DRC11: variants seen among roughly 807,000 people sequenced by gnomAD.
DRC11 encodes the protein dynein regulatory complex subunit 11, also known as IQ and AAA domain-containing protein 1.
chr2:236,439,520 T>C, the DRC11 span, among the ~76,000 whole-genome samples: 2 of 152,206 alleles, frequency 1.3e-5, no homozygotes, highest in African/African-American at 4.8e-5. Flanking sequence ...GTTCAGTCTA[T>C]CATTCAAGTC....
At chr2:236,448,078 G>A in the DRC11 span, among the ~76,000 whole-genome samples, 45 of 152,202 alleles carry the variant, frequency 3.0e-4, no homozygotes, top group Non-Finnish European at 6.2e-4. The surrounding 1 kb of genome is among the most constrained non-coding windows in gnomAD (Gnocchi z 5.3). Context: ...ATTTTGCAGA[G>A]GATTTTGTGT....
the DRC11 span, among the ~76,000 whole-genome samples, chr2:236,474,741 A>G: frequency 6.6e-6 from 1 of 152,138 alleles, no homozygotes; most frequent in Non-Finnish European, 1.5e-5. Flanking sequence ...ATCCATATAC[A>G]CCAAACAATC....
At chr2:236,424,413 T>C in the DRC11 span, among the ~76,000 whole-genome samples, 1 of 152,320 alleles carries the variant, frequency 6.6e-6, no homozygotes, top group East Asian at 1.9e-4. Context: ...ATTTTCATGG[T>C]TCACAATTCA....
At chr2:236,357,640 G>A in the DRC11 span, among the ~76,000 whole-genome samples, 12 of 82,824 alleles carry the variant, frequency 1.4e-4, no homozygotes, top group East Asian at 1.0e-3. Flanking sequence ...CATATAATAT[G>A]TAAATATATA....
the DRC11 span, among the ~76,000 whole-genome samples, chr2:236,472,110 C>T: frequency 2.0e-5 from 3 of 152,202 alleles, no homozygotes; most frequent in African/African-American, 7.2e-5. The surrounding 1 kb of genome is among the most constrained non-coding windows in gnomAD (Gnocchi z 4.6). Flanking sequence ...GGTGACTTTT[C>T]CTTTTTTTCC....
At chr2:236,377,731 G>T in the DRC11 span, among the ~76,000 whole-genome samples, 1 of 152,094 alleles carries the variant, frequency 6.6e-6, no homozygotes, top group African/African-American at 2.4e-5. The surrounding 1 kb of genome is among the most constrained non-coding windows in gnomAD (Gnocchi z 4.9). Flanking sequence ...TTTTAGGAGG[G>T]TGTTATACTT....
the DRC11 span, among the ~76,000 whole-genome samples, chr2:236,407,435 T>C: frequency 6.6e-6 from 1 of 152,170 alleles, no homozygotes; most frequent in Non-Finnish European, 1.5e-5. Flanking sequence ...TCTCTGGCTT[T>C]TGAACTCTAC....
the DRC11 span, among the ~76,000 whole-genome samples, chr2:236,361,431 T>C: frequency 6.6e-6 from 1 of 152,172 alleles, no homozygotes; most frequent in African/African-American, 2.4e-5. This position sits in a 1 kb window ranked among gnomAD's most constrained non-coding sequence, Gnocchi z 5.7. Context: ...ATTTCTTCTC[T>C]CAATTTTTTA....
the DRC11 span, among the ~76,000 whole-genome samples, chr2:236,396,675 G>A: frequency 6.6e-6 from 1 of 152,124 alleles, no homozygotes; most frequent in Non-Finnish European, 1.5e-5. Context: ...AACAAAGTCA[G>A]AGTATTAAAC....
At chr2:236,420,553 C>T in the DRC11 span, among the ~76,000 whole-genome samples, 3 of 151,918 alleles carry the variant, frequency 2.0e-5, no homozygotes, top group Non-Finnish European at 2.9e-5. This position sits in a 1 kb window ranked among gnomAD's most constrained non-coding sequence, Gnocchi z 4.8. Flanking sequence ...TGGAGAAAGG[C>T]GAGAGGTGAA....
At chr2:236,343,629 C>T in the DRC11 span, 1 of 943,178 alleles carries the variant, frequency 1.1e-6, no homozygotes, top group South Asian at 1.4e-5. This position sits in a 1 kb window ranked among gnomAD's most constrained non-coding sequence, Gnocchi z 6.6. Flanking sequence ...TGAGACGAAA[C>T]ACTGCCCTGC....
the DRC11 span, among the ~76,000 whole-genome samples, chr2:236,398,263 A>C: frequency 1.3e-5 from 2 of 152,152 alleles, no homozygotes; most frequent in African/African-American, 4.8e-5. The surrounding 1 kb of genome is among the most constrained non-coding windows in gnomAD (Gnocchi z 6.2). Flanking sequence ...GTTCCCCTTT[A>C]GTTCAGCATC....
chr2:236,454,917 T>G, the DRC11 span: 13 of 152,224 alleles, frequency 8.5e-5, no homozygotes, highest in Non-Finnish European at 1.6e-4. The surrounding 1 kb of genome is among the most constrained non-coding windows in gnomAD (Gnocchi z 5.3). Flanking sequence ...TTGTCATCCG[T>G]AAAATAATTG....
the DRC11 span, among the ~76,000 whole-genome samples, chr2:236,380,930 G>T: frequency 6.6e-6 from 1 of 152,160 alleles, no homozygotes; most frequent in Non-Finnish European, 1.5e-5. This position sits in a 1 kb window ranked among gnomAD's most constrained non-coding sequence, Gnocchi z 4.9. Flanking sequence ...CTCTGGCTTG[G>T]TGTCCCACAA....
the DRC11 span, chr2:236,408,214 T>A: frequency 1.3e-6 from 1 of 781,990 alleles, no homozygotes; most frequent in Non-Finnish European, 2.3e-6. This position sits in a 1 kb window ranked among gnomAD's most constrained non-coding sequence, Gnocchi z 5.5. Context: ...CTGGCCGATC[T>A]TAGAGATCAA....
At chr2:236,498,456 T>C in the DRC11 span, among the ~76,000 whole-genome samples, 4 of 139,500 alleles carry the variant, frequency 2.9e-5, no homozygotes, top group Non-Finnish European at 5.9e-5. Flanking sequence ...AGAGCGAGAC[T>C]GTCTTAAAAA....
chr2:236,355,593 C>A, the DRC11 span, among the ~76,000 whole-genome samples: 1 of 152,136 alleles, frequency 6.6e-6, no homozygotes, highest in South Asian at 2.1e-4. Context: ...CATGTCCTTA[C>A]TCCTCTCTTT....
chr2:236,386,887 A>G, the DRC11 span, among the ~76,000 whole-genome samples: 1 of 146,862 alleles, frequency 6.8e-6, no homozygotes, highest in South Asian at 2.3e-4. Flanking sequence ...GGTTTCAAAG[A>G]ACATCTTTAT....
the DRC11 span, among the ~76,000 whole-genome samples, chr2:236,433,629 GT>G: frequency 2.4e-4 from 36 of 152,236 alleles, no homozygotes; most frequent in Admixed American, 2.0e-3. Context: ...ATTTAAAGTA[GT>G]TTTTTAGTTT....
Sources: gnomAD v4.1 joint callset for allele counts (sites outside exome capture counted in the v4.1 genomes callset) on GRCh38, gnomAD v4.1.1 for gene constraint, Gnocchi (gnomAD v3.1) non-coding constraint, MANE v1.5 for transcripts, NCBI Gene and HGNC (gene_info 2026-07-23, HGNC 2026-07-21) for gene names.